CFAP54: variants seen among roughly 807,000 people sequenced by gnomAD.
The protein encoded by CFAP54 is cilia- and flagella-associated protein 54.
In CFAP54, 290 loss-of-function variants were observed where a neutral mutation model predicts 370.4. The ratio of observed to expected loss-of-function variants is 0.78; its 90% CI spans 0.71 to 0.86. The LOEUF is 0.86. CFAP54 is among the 40% of genes least tolerant of loss of function. The probability of loss-of-function intolerance (pLI) is 0.00; values close to 1 mark genes in which losing one functional copy is unlikely to be tolerated. For missense variants in CFAP54, 3,399 were observed against 3,528.7 expected, an observed-to-expected ratio of 0.96 and a Z score of 0.93; for synonymous variants, 1,206 against 1,236.5, an observed-to-expected ratio of 0.98 and a Z score of 0.52.
intron 42 of CFAP54, among the ~76,000 whole-genome samples, chr12:96,688,583 T>C (rs1439757591): frequency 6.6e-6 from 1 of 152,182 alleles, no homozygotes; most frequent in African/African-American, 2.4e-5. Context: ...GTTCGTTATG[T>C]CTGTGAATGA....
chr12:96,757,712 C>T (rs1262570263), intron 58 of CFAP54, 124 bp downstream of exon 58: 16 of 537,024 alleles, frequency 3.0e-5, no homozygotes, highest in Middle Eastern at 5.0e-4. Context: ...TAATTCATTT[C>T]TTTGTAGTTA....
chr12:96,710,915 T>C (rs1037047448), intron 48 of CFAP54, among the ~76,000 whole-genome samples: 2 of 152,178 alleles, frequency 1.3e-5, no homozygotes, highest in African/African-American at 2.4e-5. Context: ...ATAATTAATA[T>C]AGCCTCATAG....
At chr12:96,512,495 A>C (rs1467769525) in intron 4 of CFAP54, among the ~76,000 whole-genome samples, 4 of 151,594 alleles carry the variant, frequency 2.6e-5, no homozygotes, top group Non-Finnish European at 5.9e-5. Context: ...GGTGCATGCC[A>C]CCACGCCCGG....
At chr12:96,775,282 A>G (rs1418853649) in intron 60 of CFAP54, among the ~76,000 whole-genome samples, 1 of 152,124 alleles carries the variant, frequency 6.6e-6, no homozygotes, top group Non-Finnish European at 1.5e-5. Context: ...ACAAAAAATT[A>G]GCTGGGCATA....
intron 32 of CFAP54, among the ~76,000 whole-genome samples, chr12:96,634,333 C>T (rs1041274225): frequency 2.6e-5 from 4 of 151,992 alleles, no homozygotes; most frequent in Non-Finnish European, 4.4e-5. Context: ...GGATTACAAG[C>T]GTGAGCCACC....
intron 39 of CFAP54, among the ~76,000 whole-genome samples, chr12:96,665,510 AG>A (rs1332167754): frequency 6.6e-5 from 10 of 152,304 alleles, no homozygotes; most frequent in African/African-American, 2.4e-4. Flanking sequence ...AGTGTAAGGA[AG>A]GGGTTTAGTT....
chr12:96,517,192 G>A (rs983198350), intron 5 of CFAP54, among the ~76,000 whole-genome samples: 2 of 152,112 alleles, frequency 1.3e-5, no homozygotes, highest in African/African-American at 4.8e-5. Context: ...TTTATGGTGA[G>A]CTTCTCCCCT....
intron 58 of CFAP54, among the ~76,000 whole-genome samples, chr12:96,760,614 C>A (rs867831804): frequency 1.3e-5 from 2 of 152,196 alleles, no homozygotes; most frequent in Non-Finnish European, 2.9e-5. Context: ...CTCACTGCAA[C>A]CTCCGCCTCC....
In CFAP54 at chr12:96,578,011, G is replaced by A. The variant is rs371513081; in HGVS notation, c.2796+1250G>A. Among the ~76,000 whole-genome samples, 338 of 152,176 alleles carry A rather than the reference G, an allele frequency of 2.2e-3. 1 individual carries two copies. The highest frequency in any genetic ancestry group is 7.8e-3 in the African/African-American group (324 of 41,530). ...TGGGAGGTGGAGGTTGCAGTGAGCC[G>A]AGATCACGCCATGACATTCCAGCCT... is the stretch of plus-strand genomic sequence containing the variant. On this transcript the variant is annotated intron_variant, in intron 20 of 67. Transcript: ENST00000524981.
At chr12:96,508,287 C>CTT (rs35129940) in intron 4 of CFAP54, among the ~76,000 whole-genome samples, 1 of 118,094 alleles carries the variant, frequency 8.5e-6, no homozygotes, top group African/African-American at 3.3e-5. Context: ...TCTCAATAAT[C>CTT]TTTTTTTTTT....
intron 66 of CFAP54, among the ~76,000 whole-genome samples, chr12:96,838,881 G>A (rs935288081): frequency 2.6e-5 from 4 of 152,170 alleles, no homozygotes; most frequent in African/African-American, 9.7e-5. Context: ...AGAATGAAGT[G>A]GGCCAGGTGA....
intron 38 of CFAP54, among the ~76,000 whole-genome samples, chr12:96,660,289 G>A (rs1956978927): frequency 6.6e-6 from 1 of 152,190 alleles, no homozygotes. Context: ...GAAAGAGGAG[G>A]CTGCTCCTTC....
intron 66 of CFAP54, among the ~76,000 whole-genome samples, chr12:96,836,456 T>C (rs1046485546): frequency 6.6e-6 from 1 of 152,142 alleles, no homozygotes; most frequent in African/African-American, 2.4e-5. Context: ...ATAGAACATG[T>C]TATTTTATTG....
At chr12:96,567,365 A>G (rs1188019185) in intron 19 of CFAP54, among the ~76,000 whole-genome samples, 2 of 152,206 alleles carry the variant, frequency 1.3e-5, no homozygotes, top group African/African-American at 2.4e-5. Flanking sequence ...GGATGGACAG[A>G]TGCTATCAAT....
chr12:96,857,827 C>T (rs1027506751), intron 66 of CFAP54, among the ~76,000 whole-genome samples: 1 of 152,182 alleles, frequency 6.6e-6, no homozygotes, highest in African/African-American at 2.4e-5. Context: ...TGAGTCCTCG[C>T]CAGCCATGTG....
chr12:96,495,245 CT>C (rs1476856618), intron 1 of CFAP54, among the ~76,000 whole-genome samples: 25 of 20,554 alleles, frequency 1.2e-3, no homozygotes, highest in East Asian at 5.5e-3. Context: ...TTTCTCCTTC[CT>C]TCCTTCCTTC....
chr12:96,676,050 C>A (rs546578672), intron 39 of CFAP54, among the ~76,000 whole-genome samples: 1 of 152,008 alleles, frequency 6.6e-6, no homozygotes, highest in South Asian at 2.1e-4. Flanking sequence ...AACAAACCTG[C>A]ATGTTGTACA....
intron 65 of CFAP54, among the ~76,000 whole-genome samples, chr12:96,820,441 G>A (rs1039211536): frequency 6.6e-6 from 1 of 152,144 alleles, no homozygotes; most frequent in East Asian, 1.9e-4. Context: ...GTGAATGAAT[G>A]CATTTTTCAT....
chr12:96,765,274 C>A, intron 60 of CFAP54, 56 bp downstream of exon 60: 2 of 1,342,790 alleles, frequency 1.5e-6, no homozygotes, highest in South Asian at 4.0e-5. Flanking sequence ...AATATAGAAT[C>A]AAGTTTCAAA....
Sources: allele counts gnomAD v4.1 joint callset (sites outside exome capture counted in the v4.1 genomes callset), GRCh38; gene constraint gnomAD v4.1.1; transcripts MANE v1.5; gene names NCBI Gene and HGNC (gene_info 2026-07-23, HGNC 2026-07-21).